Variants in FBXL13 observed in about 807,000 individuals in gnomAD.
The protein encoded by FBXL13 is F-box and leucine rich repeat protein 13, also known as F-box and leucine-rich repeat protein 13.
Under a neutral mutation model 83.6 loss-of-function variants are expected in FBXL13, and 67 were observed. That is an observed-to-expected ratio of 0.80 (90% confidence interval 0.66 to 0.98). FBXL13 has a LOEUF of 0.98. FBXL13 is among the 50% of genes least tolerant of loss of function. The probability of loss-of-function intolerance (pLI) is 0.00; values close to 1 mark genes in which losing one functional copy is unlikely to be tolerated. For missense variants in FBXL13, 822 were observed against 866.5 expected (o/e 0.95, Z 0.64); for synonymous variants, 272 against 299.5 (o/e 0.91, Z 0.95).
chr7:103,050,877 CA>C (rs1796740894), intron 2 of FBXL13, among the ~76,000 whole-genome samples: 1 of 152,162 alleles, frequency 6.6e-6, no homozygotes, highest in African/African-American at 2.4e-5. Flanking sequence ...ACAGATTAAT[CA>C]AAAGAGAATA....
chr7:102,859,190 T>C lies in FBXL13; in HGVS notation c.1636-4330A>G, dbSNP rs574760584. ...TAGTAGCAAAACGGGGAGCAAGAGA[T>C]GTCACCCTGCTCATGTGTTAGACAA... On this transcript the variant is annotated intron_variant, in intron 16 of 19. Transcript: ENST00000313221. Among the ~76,000 whole-genome samples, 27 of 152,280 alleles carry C rather than the reference T, an allele frequency of 1.8e-4. No homozygotes were observed. In the South Asian group the frequency reaches 5.0e-3, roughly 28 times the overall value.
At chr7:102,814,469 C>T (rs1351878644) in intron 19 of FBXL13, 1 of 152,022 alleles carries the variant, frequency 6.6e-6, no homozygotes, top group Non-Finnish European at 1.5e-5. Context: ...GAAAAAAAAC[C>T]AACAACATAG....
downstream of FBXL13, among the ~76,000 whole-genome samples, chr7:102,811,358 T>G (rs1797425006): frequency 6.6e-6 from 1 of 152,212 alleles, no homozygotes; most frequent in Non-Finnish European, 1.5e-5. Context: ...ACTAATATCT[T>G]TGATATTTTG....
At position 102,878,317 on chromosome 7, in the gene FBXL13, C is replaced by T. The variant is rs761333922; in HGVS notation, c.1508+14G>A. On this transcript the variant is annotated intron_variant, in intron 15 of 19. Transcript: ENST00000313221. ...AATACTAATGATATGATGTAAAAGA[C>T]TGTTTTATCATACCGCTCAGATAGT... 6.3e-6 allele frequency: 10 copies of T among 1,583,206 alleles called. No homozygotes were observed. Among genetic ancestry groups the T allele is most frequent in the Admixed American group, 1.9e-5 (1 of 54,034 alleles).
chr7:102,957,859 T>C (rs1042092312), intron 8 of FBXL13, among the ~76,000 whole-genome samples: 1 of 152,140 alleles, frequency 6.6e-6, no homozygotes, highest in Admixed American at 6.6e-5. Context: ...CCAGTTAGAA[T>C]GGCAGTCATT....
chr7:102,813,681 G>T, intron 19 of FBXL13, 150 bp from the exon 21 acceptor site: 2 of 751,116 alleles, frequency 2.7e-6, no homozygotes. Context: ...TGAGGATATG[G>T]GTAAGTGTAC....
chr7:102,900,034 G>A lies in FBXL13; in HGVS notation c.1008+13052C>T, dbSNP rs142498390. The stretch of plus-strand genomic sequence containing the variant: ...TGTACTCCAGCCTGGGTGACAGAGT[G>A]AGACTCCATCTCAAAAAAATAAAAT... On this transcript the variant is annotated intron_variant, in intron 11 of 19. Transcript: ENST00000313221. Among the ~76,000 whole-genome samples the A allele has an allele frequency of 3.1e-3, 472 of 152,162 alleles. 2 individuals carry two copies. Among genetic ancestry groups the A allele is most frequent in the African/African-American group, 0.011 (439 of 41,522 alleles).
intron 16 of FBXL13, among the ~76,000 whole-genome samples, chr7:102,869,004 G>T (rs527428568): frequency 1.3e-5 from 2 of 152,292 alleles, no homozygotes; most frequent in East Asian, 3.9e-4. Flanking sequence ...CAAGTAGTGG[G>T]ATTGCCAGAA....
intron 8 of FBXL13, among the ~76,000 whole-genome samples, chr7:102,945,330 TTTTG>T (rs957889763): frequency 1.2e-4 from 19 of 152,176 alleles, no homozygotes; most frequent in East Asian, 1.9e-4. Context: ...GAGACACCAT[TTTTG>T]TTTGTTTGTT....
intron 6 of FBXL13, among the ~76,000 whole-genome samples, chr7:103,024,248 C>T (rs970760969): frequency 6.0e-5 from 9 of 149,404 alleles, no homozygotes; most frequent in African/African-American, 1.2e-4. Flanking sequence ...TGTCATCAGC[C>T]GGGTGTGGTG....
chr7:102,983,421 C>CTTTTTTTT (rs151066223), intron 6 of FBXL13, among the ~76,000 whole-genome samples: 4 of 145,442 alleles, frequency 2.8e-5, no homozygotes, highest in African/African-American at 5.2e-5. Flanking sequence ...TCTTTTTTCC[C>CTTTTTTTT]CTTTTTTTTT....
intron 14 of FBXL13, among the ~76,000 whole-genome samples, chr7:102,879,995 C>T (rs1339826126): frequency 6.6e-6 from 1 of 152,214 alleles, no homozygotes; most frequent in Non-Finnish European, 1.5e-5. Flanking sequence ...CGTGAGCCAC[C>T]ACGCCCGACG....
chr7:103,061,450 C>T (rs1249747905), intron 1 of FBXL13, among the ~76,000 whole-genome samples: 1 of 152,166 alleles, frequency 6.6e-6, no homozygotes, highest in Non-Finnish European at 1.5e-5. Context: ...TGTAAACTGC[C>T]TGGCTGGGCT....
intron 11 of FBXL13, among the ~76,000 whole-genome samples, chr7:102,888,464 G>A (rs990905781): frequency 6.6e-6 from 1 of 152,240 alleles, no homozygotes; most frequent in Non-Finnish European, 1.5e-5. Context: ...GCCGGGAGGC[G>A]GAACTTGCAG....
intron 2 of FBXL13, among the ~76,000 whole-genome samples, 153 bp from the exon 3 acceptor site, chr7:103,055,331 T>G (rs1291079341): frequency 6.6e-6 from 1 of 152,182 alleles, no homozygotes; most frequent in Non-Finnish European, 1.5e-5. Context: ...CTGGAGGACT[T>G]TTTCAAACTA....
At chr7:103,007,392 C>T (rs893382862) in intron 6 of FBXL13, among the ~76,000 whole-genome samples, 2 of 151,670 alleles carry the variant, frequency 1.3e-5, no homozygotes, top group African/African-American at 4.8e-5. Flanking sequence ...AAAATTTAGC[C>T]CCTAACTGAT....
At chr7:102,967,913 G>A in intron 7 of FBXL13, 109 bp downstream of exon 8, 2 of 675,684 alleles carry the variant, frequency 3.0e-6, no homozygotes, top group Admixed American at 5.6e-5. Flanking sequence ...ACTTGCTGCT[G>A]GTGACCACAG....
intron 19 of FBXL13, among the ~76,000 whole-genome samples, chr7:102,821,401 A>G (rs1258406060): frequency 6.6e-6 from 1 of 152,208 alleles, no homozygotes; most frequent in Non-Finnish European, 1.5e-5. Flanking sequence ...TTGGATAAGA[A>G]ACCATGTTCT....
rs1168424716 is a variant in FBXL13, at chr7:103,028,063, T to C, written c.218-505A>G. On this transcript the variant is annotated intron_variant, in intron 4 of 19. Transcript: ENST00000313221. The stretch of plus-strand genomic sequence containing the variant: ...TGGTTTGCAACAGTCATAAACAAGT[T>C]GTTATCAGGAGAGTTGCAAAAAAAT... 3.9e-5 allele frequency among the ~76,000 whole-genome samples: 6 copies of C among 152,212 alleles called. No homozygotes were observed. In the East Asian group the frequency reaches 1.2e-3, roughly 29 times the overall value.
Sources: gnomAD v4.1 joint callset for allele counts (sites outside exome capture counted in the v4.1 genomes callset) on GRCh38, gnomAD v4.1.1 for gene constraint, MANE v1.5 for transcripts, NCBI Gene and HGNC (gene_info 2026-07-23, HGNC 2026-07-21) for gene names.